Variants in CEP128 observed in about 807,000 individuals in gnomAD.
The protein encoded by CEP128 is centrosomal protein 128.
A neutral mutation model predicts 156.7 loss-of-function variants in CEP128; 132 were observed. That is an observed-to-expected ratio of 0.84 (90% CI 0.73 to 0.97). CEP128 has a LOEUF of 0.97. CEP128 is among the 50% of genes least tolerant of loss of function. CEP128 has a pLI of 0.00. For missense variants in CEP128, 1,252 were observed against 1,281.9 expected, an observed-to-expected ratio of 0.98 and a Z score of 0.36; for synonymous variants, 469 against 448.9, an observed-to-expected ratio of 1.04 and a Z score of -0.57.
At chr14:80,899,321 T>G (rs1883391355) in intron 7 of CEP128, among the ~76,000 whole-genome samples, 1 of 152,206 alleles carries the variant, frequency 6.6e-6, no homozygotes, top group Non-Finnish European at 1.5e-5. Context: ...TTGTAATTCT[T>G]AAGAAGGCAT....
intron 8 of CEP128, among the ~76,000 whole-genome samples, chr14:80,883,648 T>C (rs1888656688): frequency 6.6e-6 from 1 of 152,146 alleles, no homozygotes; most frequent in South Asian, 2.1e-4. Context: ...ATCAATATTG[T>C]TAAAATGTCC....
intron 8 of CEP128, among the ~76,000 whole-genome samples, chr14:80,873,934 A>C (rs1052033126): frequency 1.3e-5 from 2 of 152,132 alleles, no homozygotes; most frequent in African/African-American, 4.8e-5. Flanking sequence ...TCATCCATGT[A>C]AGACCTGGCT....
At chr14:80,705,182 G>C (rs1343424029) in intron 19 of CEP128, among the ~76,000 whole-genome samples, 1 of 151,606 alleles carries the variant, frequency 6.6e-6, no homozygotes, top group Non-Finnish European at 1.5e-5. Flanking sequence ...TTGTCTGTTT[G>C]GACTGGAATC....
At chr14:80,773,264 T>C (rs976730112) in intron 16 of CEP128, among the ~76,000 whole-genome samples, 1 of 152,186 alleles carries the variant, frequency 6.6e-6, no homozygotes, top group Non-Finnish European at 1.5e-5. Flanking sequence ...TTATGGTGTT[T>C]GTGTTAGACT....
chr14:80,724,505 G>C (rs888335865), intron 19 of CEP128, among the ~76,000 whole-genome samples: 1 of 151,998 alleles, frequency 6.6e-6, no homozygotes. Context: ...AAACGAAACA[G>C]AGAAGACCAA....
At chr14:80,713,249 A>G (rs1399199445) in intron 19 of CEP128, among the ~76,000 whole-genome samples, 1 of 152,120 alleles carries the variant, frequency 6.6e-6, no homozygotes, top group African/African-American at 2.4e-5. Context: ...ATAATCTAAT[A>G]CCAGACCACA....
chr14:80,543,363 C>G (rs1889847509), intron 21 of CEP128, among the ~76,000 whole-genome samples: 1 of 152,184 alleles, frequency 6.6e-6, no homozygotes, highest in African/African-American at 2.4e-5. Flanking sequence ...CACTGCCAAA[C>G]CATACTTAGT....
intron 20 of CEP128, among the ~76,000 whole-genome samples, chr14:80,578,519 C>T (rs1891452578): frequency 1.3e-5 from 2 of 152,120 alleles, no homozygotes; most frequent in African/African-American, 4.8e-5. Flanking sequence ...CTAATCCACA[C>T]TAAACACTTC....
At chr14:80,933,673 G>C (rs1885616725) in intron 2 of CEP128, among the ~76,000 whole-genome samples, 2 of 152,054 alleles carry the variant, frequency 1.3e-5, no homozygotes, top group South Asian at 4.2e-4. Flanking sequence ...ATCTGTTTAG[G>C]GGCAAATGCT....
intron 19 of CEP128, among the ~76,000 whole-genome samples, chr14:80,619,365 CAG>C (rs1391191295): frequency 4.3e-5 from 5 of 115,266 alleles, no homozygotes; most frequent in East Asian, 2.5e-4. Context: ...TAAAGACACA[CAG>C]ACACACACAC....
Position 80,838,420 on chromosome 14 carries a change from T to C in CEP128, c.850-142A>G, listed in dbSNP as rs1270827706. The C allele has an allele frequency of 6.7e-6, 4 of 599,482 alleles. No individual in the cohort carries two copies. The Admixed American group carries it at 1.2e-4, about 17-fold the overall frequency. 37.1% of individuals were successfully genotyped at this position (599,482 alleles called of 1,614,324 possible). On this transcript the variant is annotated intron_variant, in intron 10 of 24. Transcript: ENST00000555265. ...TAATATAAAAGAATAAATATCTCAC[T>C]ATGAACATATATCAATACTTCCATT... is the stretch of plus-strand genomic sequence containing the variant.
At chr14:80,843,640 A>G (rs1886453200) in intron 9 of CEP128, among the ~76,000 whole-genome samples, 1 of 152,082 alleles carries the variant, frequency 6.6e-6, no homozygotes, top group Non-Finnish European at 1.5e-5. Context: ...CAGTGAAAAA[A>G]TATTTTAAGC....
chr14:80,821,620 C>T (rs5029166), intron 13 of CEP128, among the ~76,000 whole-genome samples: 51,460 of 150,186 alleles, frequency 0.34, 9,540 homozygotes, highest in Non-Finnish European at 0.42. Context: ...CACACACACA[C>T]ACACACACAC....
At chr14:80,511,614 T>C (rs1288159790) in intron 23 of CEP128, among the ~76,000 whole-genome samples, 4 of 152,030 alleles carry the variant, frequency 2.6e-5, no homozygotes, top group Admixed American at 6.5e-5. Context: ...CTGATCTTCA[T>C]TATTTTTCTT....
intron 19 of CEP128, among the ~76,000 whole-genome samples, chr14:80,655,002 G>A (rs1010858375): frequency 1.3e-5 from 2 of 152,092 alleles, no homozygotes; most frequent in Admixed American, 6.6e-5. Context: ...CTCAGTCACC[G>A]TTTACATGTC....
At chr14:80,610,748 C>T (rs907119337) in intron 19 of CEP128, among the ~76,000 whole-genome samples, 9 of 152,100 alleles carry the variant, frequency 5.9e-5, no homozygotes, top group African/African-American at 1.9e-4. Flanking sequence ...TTATTATTCA[C>T]TGCAGTGTTA....
chr14:80,622,620 C>A (rs1893529694), intron 19 of CEP128, among the ~76,000 whole-genome samples: 1 of 150,094 alleles, frequency 6.7e-6, no homozygotes, highest in Non-Finnish European at 1.5e-5. Context: ...AAGAAAAAAA[C>A]TAACAACCCC....
chr14:80,707,183 T>C (rs1484065249), intron 19 of CEP128, among the ~76,000 whole-genome samples: 1 of 152,202 alleles, frequency 6.6e-6, no homozygotes, highest in African/African-American at 2.4e-5. Context: ...TGTTATGTTA[T>C]GAGACTGTGG....
chr14:80,651,911 G>A (rs1159052576), intron 19 of CEP128, among the ~76,000 whole-genome samples: 1 of 152,090 alleles, frequency 6.6e-6, no homozygotes, highest in Non-Finnish European at 1.5e-5. Context: ...GGGGTGGAGA[G>A]TTCTGTAGAT....
Sources: allele counts gnomAD v4.1 joint callset (sites outside exome capture counted in the v4.1 genomes callset), GRCh38; gene constraint gnomAD v4.1.1; transcripts MANE v1.5; gene names NCBI Gene and HGNC (gene_info 2026-07-23, HGNC 2026-07-21).